Variants in G2E3 observed in about 807,000 individuals in gnomAD.
G2E3 encodes G2/M-phase specific E3 ubiquitin protein ligase, also known as G2/M phase-specific E3 ubiquitin-protein ligase.
Under a neutral mutation model 92.8 loss-of-function variants are expected in G2E3, and 35 were observed. That is an observed-to-expected ratio of 0.38 (90% CI 0.29 to 0.50). G2E3 has a LOEUF of 0.50. Ranked by LOEUF, G2E3 falls within the 20% of genes least tolerant of loss-of-function variation. The probability of loss-of-function intolerance (pLI) is 0.94; values close to 1 mark genes in which losing one functional copy is unlikely to be tolerated. For missense variants in G2E3, 554 were observed against 823.8 expected, an observed-to-expected ratio of 0.67 and a Z score of 4.01; for synonymous variants, 242 against 272.4, an observed-to-expected ratio of 0.89 and a Z score of 1.10.
At chr14:30,576,249 A>T (rs1880082115) in intron 1 of G2E3, among the ~76,000 whole-genome samples, 1 of 152,220 alleles carries the variant, frequency 6.6e-6, no homozygotes, top group South Asian at 2.1e-4. Flanking sequence ...GACAAAGATG[A>T]CAAAAAACAA....
rs766510980 is a variant in G2E3 at position 30,601,837 on chromosome 14, C to A, written c.820C>A (p.Arg274=). ...SGTHLACSSL[R]SWEQNWECLE... is the part of the protein sequence containing the mutation. Reference sequence around the variant, plus strand: ...CACACATTTAGCCTGCTCCTCATTACGGTCATGGGAGCAAAATTGGGAGTG... The same window carrying A: ...CACACATTTAGCCTGCTCCTCATTAAGGTCATGGGAGCAAAATTGGGAGTG... The change falls in exon 9 of 15, where the codon CGG becomes AGG. Residue 274 remains arginine (R), a synonymous_variant. Transcript: ENST00000206595. 6.2e-7 allele frequency: 1 copy of A among 1,613,488 alleles called. No individual in the cohort carries two copies. Among genetic ancestry groups the A allele is most frequent in the African/African-American group, 1.3e-5 (1 of 74,860 alleles).
chr14:30,595,242 TAAAC>T (rs1441813258), intron 6 of G2E3, among the ~76,000 whole-genome samples: 4 of 152,210 alleles, frequency 2.6e-5, no homozygotes, highest in Non-Finnish European at 1.5e-5. Flanking sequence ...GTGCAGTTAA[TAAAC>T]AACATTGTGA....
chr14:30,580,202 GT>G (rs113488056), intron 1 of G2E3, among the ~76,000 whole-genome samples: 4 of 150,984 alleles, frequency 2.6e-5, no homozygotes, highest in East Asian at 1.9e-4. Context: ...GATTGTTTTT[GT>G]TTTTTTTTGT....
At chr14:30,601,622 A>C (rs1000816912) in intron 8 of G2E3, 148 bp from the exon 9 acceptor site, 9 of 712,306 alleles carry the variant, frequency 1.3e-5, no homozygotes, top group Non-Finnish European at 1.9e-5. Flanking sequence ...ATATTTAGAG[A>C]AGCAGATAAT....
intron 1 of G2E3, among the ~76,000 whole-genome samples, chr14:30,572,615 C>T (rs1208926365): frequency 1.3e-5 from 2 of 152,076 alleles, no homozygotes; most frequent in Non-Finnish European, 2.9e-5. Context: ...TTGAGATGGT[C>T]ATACTTTTTT....
intron 2 of G2E3, among the ~76,000 whole-genome samples, chr14:30,584,959 G>A (rs778038115): frequency 1.3e-5 from 2 of 151,246 alleles, no homozygotes; most frequent in Non-Finnish European, 2.9e-5. Flanking sequence ...AGCCTCCCGA[G>A]TAGCTGGGAT....
intron 1 of G2E3, among the ~76,000 whole-genome samples, chr14:30,570,133 A>G (rs541101041): frequency 6.6e-6 from 1 of 152,242 alleles, no homozygotes; most frequent in Non-Finnish European, 1.5e-5. Context: ...AGCACTTTAA[A>G]TATGTCATCT....
chr14:30,580,547 C>A (rs1880375487), intron 1 of G2E3, among the ~76,000 whole-genome samples: 1 of 152,110 alleles, frequency 6.6e-6, no homozygotes, highest in Admixed American at 6.6e-5. Flanking sequence ...AATGGCATGG[C>A]TATTGATGAT....
At chr14:30,563,165 T>G (rs1879219412) in intron 1 of G2E3, among the ~76,000 whole-genome samples, 2 of 152,074 alleles carry the variant, frequency 1.3e-5, no homozygotes, top group Admixed American at 1.3e-4. Flanking sequence ...TACAGTTTTT[T>G]TTTTTTTTAA....
chr14:30,577,012 G>C (rs1431950780), intron 1 of G2E3, among the ~76,000 whole-genome samples: 2 of 151,958 alleles, frequency 1.3e-5, no homozygotes, highest in Admixed American at 6.6e-5. Context: ...GGATCATGAG[G>C]TCAAGAGATT....
intron 1 of G2E3, among the ~76,000 whole-genome samples, chr14:30,561,418 A>T (rs1221318957): frequency 6.6e-6 from 1 of 152,190 alleles, no homozygotes; most frequent in Admixed American, 6.5e-5. Context: ...ATTGTCTACC[A>T]TATATAATTC....
At chr14:30,567,517 A>G (rs564902930) in intron 1 of G2E3, among the ~76,000 whole-genome samples, 25 of 151,828 alleles carry the variant, frequency 1.6e-4, no homozygotes, top group African/African-American at 5.8e-4. Flanking sequence ...ATTTCTTCTG[A>G]TTTAGTAATT....
chr14:30,598,386 C>T lies in G2E3; in HGVS notation c.636-97C>T. On this transcript the variant is annotated intron_variant, in intron 7 of 14. Transcript: ENST00000206595. ...TGGGCGAAAGAGCAAGACTGCGTCT[C>T]AAGAACAAAAAAAGGTTTTTATTTT... 1.4e-5 allele frequency: 12 copies of T among 831,020 alleles called. No homozygotes were observed. The South Asian group carries it at 1.7e-4, about 12-fold the overall frequency. The allele number at this position is 831,020 out of a possible 1,614,324, so 51.5% of individuals were successfully genotyped here.
At chr14:30,596,483 A>G (rs967553258) in intron 6 of G2E3, among the ~76,000 whole-genome samples, 2 of 152,140 alleles carry the variant, frequency 1.3e-5, no homozygotes, top group African/African-American at 4.8e-5. Context: ...CTAATTACAC[A>G]TTCTCTCTCT....
chr14:30,585,261 C>G (rs567955347), intron 2 of G2E3, among the ~76,000 whole-genome samples: 2 of 152,260 alleles, frequency 1.3e-5, no homozygotes, highest in African/African-American at 4.8e-5. Context: ...CAAAGTCACA[C>G]AGATTTACCC....
chr14:30,566,276 CA>C (rs906978360), intron 1 of G2E3, among the ~76,000 whole-genome samples: 3 of 151,798 alleles, frequency 2.0e-5, no homozygotes, highest in African/African-American at 7.3e-5. Flanking sequence ...TCCATTCCTG[CA>C]AAAAAAGGCC....
chr14:30,591,204 G>T (rs570417613), intron 4 of G2E3, among the ~76,000 whole-genome samples: 1 of 152,054 alleles, frequency 6.6e-6, no homozygotes, highest in African/African-American at 2.4e-5. Context: ...GGAGAGTTTC[G>T]GGTTGGCAGG....
At chr14:30,567,490 A>C (rs1295591478) in intron 1 of G2E3, among the ~76,000 whole-genome samples, 1 of 152,056 alleles carries the variant, frequency 6.6e-6, no homozygotes, top group African/African-American at 2.4e-5. Flanking sequence ...TTAGGTCTGT[A>C]GCAGTGTCCC....
chr14:30,573,963 A>G (rs1879927363), intron 1 of G2E3, among the ~76,000 whole-genome samples: 1 of 152,164 alleles, frequency 6.6e-6, no homozygotes, highest in African/African-American at 2.4e-5. Flanking sequence ...GGAATGTTTT[A>G]TATTACTTTT....
Sources: allele counts gnomAD v4.1 joint callset (sites outside exome capture counted in the v4.1 genomes callset), GRCh38; gene constraint gnomAD v4.1.1; transcripts MANE v1.5; gene names NCBI Gene and HGNC (gene_info 2026-07-23, HGNC 2026-07-21).